The following PHF8 variants were observed in gnomAD, a reference collection of about 807,000 sequenced individuals.
The protein encoded by PHF8 is histone lysine demethylase PHF8.
A neutral mutation model predicts 74.4 loss-of-function variants in PHF8; 9 were observed. That is an observed-to-expected ratio of 0.12 (90% CI 0.07 to 0.21). The LOEUF is 0.21. Among genes scored for constraint, PHF8 ranks in the 10% least tolerant of loss-of-function variants. The probability of loss-of-function intolerance (pLI) is 1.00; values close to 1 mark genes in which losing one functional copy is unlikely to be tolerated. For synonymous variants in PHF8, 311 were observed against 316.6 expected (o/e 0.98, Z 0.19); for missense variants, 478 against 816.6 (o/e 0.59, Z 5.05).
At chrX:54,033,985 T>C (rs925952780) in intron 2 of PHF8, among the ~76,000 whole-genome samples, 32 of 110,586 alleles carry the variant, frequency 2.9e-4, no homozygotes, top group African/African-American at 1.0e-3. Context: ...AAATAGAAGA[T>C]ATAGAAAAGA....
intron 19 of PHF8, among the ~76,000 whole-genome samples, chrX:53,960,062 A>G (rs1287906352): frequency 9.2e-6 from 1 of 108,719 alleles, no homozygotes; most frequent in Non-Finnish European, 1.9e-5. Flanking sequence ...TTTTCCTCCT[A>G]AATTTTTCTA....
intron 18 of PHF8, among the ~76,000 whole-genome samples, chrX:53,973,590 T>C (rs2065327948): frequency 9.0e-6 from 1 of 111,562 alleles, no homozygotes; most frequent in African/African-American, 3.3e-5. Flanking sequence ...CAGGTAGCCA[T>C]ATGCAGAAAA....
Position 53,965,554 on chromosome X carries a change from G to C in PHF8, c.2444-2615C>G, listed in dbSNP as rs144327877. On this transcript the variant is annotated intron_variant, in intron 18 of 21. Transcript: ENST00000338154. ...CTCGGGAGGCTGAGGCACGAGACTTGCTTGAACCCGGGAGGTGGAGGCTGC... is the reference window on the plus strand; with the variant it reads ...CTCGGGAGGCTGAGGCACGAGACTTCCTTGAACCCGGGAGGTGGAGGCTGC... Among the ~76,000 whole-genome samples the C allele has an allele frequency of 2.5e-3, 276 of 112,071 alleles. 2 individuals carry two copies. The highest frequency in any genetic ancestry group is 4.6e-3 in the Middle Eastern group (1 of 218).
chrX:54,019,787 CA>C (rs781792263), intron 4 of PHF8, among the ~76,000 whole-genome samples: 826 of 27,724 alleles, frequency 0.03, 3 homozygotes, highest in African/African-American at 0.051. Context: ...GACACCGCCT[CA>C]AAAAAAAAAA....
intron 18 of PHF8, among the ~76,000 whole-genome samples, chrX:53,966,422 C>T (rs1254179484): frequency 8.9e-6 from 1 of 112,860 alleles, no homozygotes; most frequent in Admixed American, 9.3e-5. Context: ...TTGGTGGAGA[C>T]TGGGTTTCGC....
chrX:53,955,305 C>G (rs782424768), intron 19 of PHF8, among the ~76,000 whole-genome samples: 1 of 110,647 alleles, frequency 9.0e-6, no homozygotes, highest in Admixed American at 9.8e-5. Flanking sequence ...TCTTGAACTC[C>G]TAGGCTCAAA....
rs1400994670 is a variant in PHF8, at chrX:53,937,407, C to T, written c.*1751G>A. ...AGTCACCGCATAGTCAGGCAGTTGC[C>T]TATACAGGACAGAGGCTTCTCCTGC... On this transcript the variant is annotated 3_prime_UTR_variant, in exon 22 of 22. Coordinates refer to ENST00000338154, the MANE Select transcript of PHF8 (RefSeq NM_015107.3). The T allele has an allele frequency of 1.8e-5, 2 of 112,158 alleles. No homozygotes were observed. The highest frequency in any genetic ancestry group is 6.5e-5 in the African/African-American group (2 of 30,652). 9.2% of individuals were successfully genotyped at this position (112,158 alleles called of 1,213,427 possible).
intron 14 of PHF8, among the ~76,000 whole-genome samples, chrX:53,990,475 A>G (rs1557101076): frequency 2.7e-5 from 3 of 111,263 alleles, no homozygotes; most frequent in Non-Finnish European, 5.7e-5. Context: ...TGTACCTTCA[A>G]TAGCCATTAT....
upstream of PHF8, chrX:54,044,766 C>T (rs782300896): frequency 3.2e-6 from 2 of 627,039 alleles, no homozygotes; most frequent in South Asian, 6.5e-5. Flanking sequence ...ACTCCTCCTC[C>T]CCAGCCTTCT....
intron 2 of PHF8, chrX:54,039,721 T>A (rs1259524028): frequency 8.9e-6 from 1 of 112,236 alleles, no homozygotes; most frequent in Non-Finnish European, 1.9e-5. Context: ...TTATTTATAA[T>A]ATAAAAAAGT....
intron 19 of PHF8, among the ~76,000 whole-genome samples, chrX:53,957,040 G>A (rs1303571677): frequency 9.1e-6 from 1 of 109,718 alleles, no homozygotes; most frequent in Non-Finnish European, 1.9e-5. Context: ...GCGAAACCCT[G>A]TCTCTACTAA....
chrX:54,022,901 A>G (rs1412313828), intron 2 of PHF8, 58 bp from the exon 3 acceptor site: 3 of 681,856 alleles, frequency 4.4e-6, no homozygotes, highest in Non-Finnish European at 7.1e-6. Flanking sequence ...TGAGGTCTAG[A>G]ACAGTGCTGT....
chrX:53,974,675 T>C (rs2065346546), intron 18 of PHF8, among the ~76,000 whole-genome samples: 1 of 112,258 alleles, frequency 8.9e-6, no homozygotes, highest in African/African-American at 3.2e-5. Flanking sequence ...CCATCAATGA[T>C]AGACTGGATA....
intron 18 of PHF8, among the ~76,000 whole-genome samples, chrX:53,977,732 C>T (rs1460407002): frequency 1.9e-5 from 2 of 107,063 alleles, no homozygotes; most frequent in Non-Finnish European, 3.9e-5. Context: ...CTGCAAGCTC[C>T]GACTCCTGGG....
At position 53,993,665 on chromosome X, in the gene PHF8, C is replaced by G; in HGVS notation, c.1562G>C (p.Ser521Thr). 1 of 1,210,808 alleles carries G rather than the reference C, an allele frequency of 8.3e-7. No homozygotes were observed. The highest frequency in any genetic ancestry group is 1.1e-6 in the Non-Finnish European group (1 of 894,284). ...ACTGTATGTGTCCATGAGATTATAG[C>G]TCAACTGGCCAGCAGGCCCCAAGGC... The part of the protein sequence containing the change: ...SSALGPAGQL[S>T]YNLMDTYSHQ... Residue 521 changes from serine to threonine, a missense_variant, in exon 13 of 22, where the codon AGC becomes ACC. Transcript: ENST00000338154.
At chrX:54,045,250 G>A (rs2066624150), upstream of PHF8, 2 of 191,780 alleles carry the variant, frequency 1.0e-5, no homozygotes, top group Admixed American at 7.6e-5. Flanking sequence ...TGAGAGGAAA[G>A]GCTGAGTTAG....
chrX:53,985,311 G>T, intron 17 of PHF8, 84 bp from the exon 18 acceptor site: 1 of 774,735 alleles, frequency 1.3e-6, no homozygotes, highest in South Asian at 2.3e-5. Flanking sequence ...AGGGAGGAGG[G>T]ATGATAGCTA....
At chrX:54,009,196 A>T (rs1268537830) in intron 8 of PHF8, among the ~76,000 whole-genome samples, 1 of 112,046 alleles carries the variant, frequency 8.9e-6, no homozygotes, top group Non-Finnish European at 1.9e-5. Flanking sequence ...GATAAATAAC[A>T]TAATGAACAT....
chrX:53,989,631 C>G (rs1465511728), intron 14 of PHF8, among the ~76,000 whole-genome samples: 1 of 111,512 alleles, frequency 9.0e-6, no homozygotes, highest in South Asian at 3.7e-4. Flanking sequence ...ACATAGTAGA[C>G]GATATTAACC....
Sources: gnomAD v4.1 joint callset for allele counts (sites outside exome capture counted in the v4.1 genomes callset) on GRCh38, gnomAD v4.1.1 for gene constraint, MANE v1.5 for transcripts, NCBI Gene and HGNC (gene_info 2026-07-23, HGNC 2026-07-21) for gene names.